PTBP2: variants seen among roughly 807,000 people sequenced by gnomAD.
The protein encoded by PTBP2 is polypyrimidine tract-binding protein 2.
Under a neutral mutation model 61.4 loss-of-function variants are expected in PTBP2, and 13 were observed. The ratio of observed to expected loss-of-function variants is 0.21; its 90% CI spans 0.14 to 0.34. The LOEUF (loss-of-function observed/expected upper bound fraction) is 0.34, where lower values mean the gene tolerates loss of function less well. Among genes scored for constraint, PTBP2 ranks in the 10% least tolerant of loss-of-function variants. PTBP2 has a pLI of 1.00. For synonymous variants in PTBP2, 215 were observed against 218.5 expected (o/e 0.98, Z 0.14); for missense variants, 405 against 642.6 (o/e 0.63, Z 4.00).
chr1:96,764,095 T>G (rs1240940248), intron 3 of PTBP2, among the ~76,000 whole-genome samples: 1 of 152,232 alleles, frequency 6.6e-6, no homozygotes, highest in African/African-American at 2.4e-5. Flanking sequence ...GTAGAATTGT[T>G]TCCTAAGGCA....
intron 11 of PTBP2, among the ~76,000 whole-genome samples, chr1:96,808,359 C>T (rs980221305): frequency 2.5e-4 from 38 of 152,090 alleles, no homozygotes; most frequent in African/African-American, 8.9e-4. Flanking sequence ...CTGGTGAGGT[C>T]TCTCTTGGCT....
At chr1:96,796,528 A>G (rs1052074605) in intron 8 of PTBP2, among the ~76,000 whole-genome samples, 1 of 152,224 alleles carries the variant, frequency 6.6e-6, no homozygotes, top group African/African-American at 2.4e-5. Context: ...ATAAGACTCT[A>G]CTAGATTTGG....
At chr1:96,800,395 C>CT (rs376568803) in intron 8 of PTBP2, among the ~76,000 whole-genome samples, 1,569 of 125,156 alleles carry the variant, frequency 0.013, 20 homozygotes, top group Non-Finnish European at 0.017. Flanking sequence ...CATTCTCTGG[C>CT]TTTTTTTTTT....
At chr1:96,806,532 T>C in intron 10 of PTBP2, 80 bp downstream of exon 10, 6 of 1,434,478 alleles carry the variant, frequency 4.2e-6, no homozygotes, top group Non-Finnish European at 5.8e-6. Context: ...GCTAGCACTT[T>C]GGCTTAAAGT....
chr1:96,744,417 C>T (rs1349584967), intron 2 of PTBP2, among the ~76,000 whole-genome samples: 1 of 151,968 alleles, frequency 6.6e-6, no homozygotes, highest in East Asian at 1.9e-4. Context: ...CCATGAGTCC[C>T]CCTGTTGTAT....
chr1:96,772,875 G>A (rs1225936952), intron 5 of PTBP2, among the ~76,000 whole-genome samples: 1 of 151,780 alleles, frequency 6.6e-6, no homozygotes, highest in Non-Finnish European at 1.5e-5. Flanking sequence ...CACTTTGGGA[G>A]GCTGAGGCGG....
intron 5 of PTBP2, among the ~76,000 whole-genome samples, chr1:96,774,738 A>G (rs1318908076): frequency 6.6e-6 from 1 of 152,122 alleles, no homozygotes; most frequent in Non-Finnish European, 1.5e-5. Context: ...TCTCGCTAGT[A>G]CAGCCAGTAC....
intron 8 of PTBP2, among the ~76,000 whole-genome samples, chr1:96,794,281 AAAG>A (rs1325801143): frequency 3.3e-5 from 5 of 152,216 alleles, no homozygotes; most frequent in African/African-American, 1.2e-4. Context: ...TCTTCTGCAT[AAAG>A]ATAGGTTTAA....
At chr1:96,746,002 G>C (rs770511249) in intron 2 of PTBP2, among the ~76,000 whole-genome samples, 7 of 151,202 alleles carry the variant, frequency 4.6e-5, no homozygotes, top group Non-Finnish European at 1.0e-4. Context: ...GGAGGCGGAG[G>C]TTGCAGTGAG....
chr1:96,725,975 T>TGAGGCAGGA (rs1650402596), intron 2 of PTBP2, among the ~76,000 whole-genome samples: 1 of 144,810 alleles, frequency 6.9e-6, no homozygotes, highest in Non-Finnish European at 1.5e-5. Flanking sequence ...CTCGGGAGGC[T>TGAGGCAGGA]GAGGCAGGAG....
intron 2 of PTBP2, among the ~76,000 whole-genome samples, chr1:96,746,851 C>CT (rs1299097741): frequency 0.28 from 24,382 of 87,108 alleles, 4,432 homozygotes; most frequent in East Asian, 0.37. Flanking sequence ...CTCCCTCCCT[C>CT]CCCCTCCCTC....
intron 3 of PTBP2, among the ~76,000 whole-genome samples, chr1:96,767,578 CA>C (rs1179074013): frequency 8.6e-5 from 13 of 151,926 alleles, no homozygotes; most frequent in Non-Finnish European, 1.5e-4. Flanking sequence ...ACTGCTTTGT[CA>C]AAAAAAGGTC....
chr1:96,727,149 CAT>C (rs946753527), intron 2 of PTBP2, among the ~76,000 whole-genome samples: 76 of 152,278 alleles, frequency 5.0e-4, no homozygotes, highest in African/African-American at 1.8e-3. Flanking sequence ...TAAATGTAAT[CAT>C]ATGGTATGTA....
chr1:96,813,409 T>TG lies in PTBP2; in HGVS notation c.*7dup, dbSNP rs1662257341. ...TTTCTCCAAGTCAACAATTTAAAAA[T>TG]GGGAAGATGAAGATTGGGGGTGAAT... On this transcript the variant is annotated 3_prime_UTR_variant, in exon 14 of 14. Transcript: ENST00000674951. 1 of 1,582,410 alleles carries TG rather than the reference T, an allele frequency of 6.3e-7. No homozygotes were observed. The highest frequency in any genetic ancestry group is 8.6e-7 in the Non-Finnish European group (1 of 1,164,156).
At chr1:96,764,420 G>A (rs1251814277) in intron 3 of PTBP2, among the ~76,000 whole-genome samples, 1 of 152,172 alleles carries the variant, frequency 6.6e-6, no homozygotes, top group Admixed American at 6.5e-5. Flanking sequence ...CTAAGGTACA[G>A]TCTCTTTAAT....
chr1:96,792,882 A>C (rs1034711321), intron 8 of PTBP2, among the ~76,000 whole-genome samples: 9 of 151,916 alleles, frequency 5.9e-5, no homozygotes, highest in African/African-American at 2.2e-4. Context: ...AAACCAAAAA[A>C]CTCATCTACT....
exon 14 of PTBP2, chr1:96,822,234 A>C (rs1662705101): frequency 6.6e-6 from 1 of 152,214 alleles, no homozygotes; most frequent in Non-Finnish European, 1.5e-5. Flanking sequence ...TTTAGCAGTT[A>C]GGAAAGGATT....
At chr1:96,754,300 GCT>G (rs1654913649) in intron 3 of PTBP2, among the ~76,000 whole-genome samples, 1 of 152,028 alleles carries the variant, frequency 6.6e-6, no homozygotes, top group African/African-American at 2.4e-5. Flanking sequence ...TTTTAAAAGG[GCT>G]CTCTCTTTTC....
At chr1:96,817,620 C>G (rs1333559084), downstream of PTBP2, 4 of 152,040 alleles carry the variant, frequency 2.6e-5, no homozygotes, top group South Asian at 6.2e-4. Flanking sequence ...CTAACATATT[C>G]CATATTTTAA....
Sources: gnomAD v4.1 joint callset for allele counts (sites outside exome capture counted in the v4.1 genomes callset) on GRCh38, gnomAD v4.1.1 for gene constraint, MANE v1.5 for transcripts, NCBI Gene and HGNC (gene_info 2026-07-23, HGNC 2026-07-21) for gene names.